Variants in XIRP1 observed in about 807,000 individuals in gnomAD.
XIRP1 encodes the protein xin actin binding repeat containing 1, also known as xin actin-binding repeat-containing protein 1.
For synonymous variants in XIRP1, 984 were observed against 947.0 expected (o/e 1.04, Z -0.72); for missense variants, 2,378 against 2,345.4 (o/e 1.01, Z -0.29).
At position 39,188,168 on chromosome 3, in the gene XIRP1, C is replaced by T. The variant is rs113582054; in HGVS notation, c.1278G>A (p.Gln426=). 1.3e-4 allele frequency: 217 copies of T among 1,614,182 alleles called. 4 individuals are homozygous for T. The African/African-American group carries it at 2.2e-3, about 17-fold the overall frequency. The change falls in exon 2 of 2, where the codon CAG becomes CAA. Residue 426 remains glutamine, a synonymous_variant. Coordinates refer to ENST00000340369, the MANE Select transcript of XIRP1 (RefSeq NM_194293.4). ...TTAGCTCATCCCTCTGGGGGGCACT[C>T]TGAGAGAAGGGCAGTGCTGAGGAGC... is the stretch of plus-strand genomic sequence containing the variant. The part of the protein sequence containing the change: ...SDSSSALPFS[Q]SAPQRDELKG...
In XIRP1 at chr3:39,184,623, G is replaced by A. The variant is rs34810344; in HGVS notation, c.4823C>T (p.Ala1608Val). Residue 1608 changes from alanine to valine, a missense_variant, in exon 2 of 2, where the codon GCA becomes GTA. Transcript: ENST00000340369. ...GSGQEVGGQT[A>V]VKNQAKVECH... ...TTCAACCTTGGCTTGGTTCTTGACT[G>A]CAGTTTGACCTCCGACCTCCTGGCC... The A allele has an allele frequency of 0.17, 275,721 of 1,613,796 alleles. 25,376 individuals carry two copies. The highest frequency in any genetic ancestry group is 0.19 in the Non-Finnish European group (221,403 of 1,179,912).
chr3:39,192,085 C>T (rs148570015), intron 1 of XIRP1, among the ~76,000 whole-genome samples: 1 of 152,360 alleles, frequency 6.6e-6, no homozygotes, highest in African/African-American at 2.4e-5. Flanking sequence ...TCCTCCAGAT[C>T]CTGGGCCTGC....
Position 39,183,955 on chromosome 3 carries a change from C to T in XIRP1, c.5491G>A (p.Val1831Met), listed in dbSNP as rs2039910127. ...FSSDLTEAET[V>M]QVSCSYSQPA... is the part of the protein sequence containing the mutation. ...TGGGAGTAGCTGCAGGACACCTGCA[C>T]CGTCTCAGCTTCTGTCAGGTCACTG... The change falls in exon 2 of 2, where the codon GTG becomes ATG. Residue 1831 changes from valine to methionine, a missense_variant. Coordinates refer to ENST00000340369, the MANE Select transcript of XIRP1 (RefSeq NM_194293.4). 2 of 1,611,696 alleles carry T rather than the reference C, an allele frequency of 1.2e-6. No homozygotes were observed. The highest frequency in any genetic ancestry group is 2.2e-4 in the Middle Eastern group (1 of 4,562).
chr3:39,185,081 T>C lies in XIRP1; in HGVS notation c.4365A>G (p.Gln1455=). The change falls in exon 2 of 2, where the codon CAA becomes CAG. Residue 1455 remains glutamine (Q), a synonymous_variant. Coordinates refer to ENST00000340369, the MANE Select transcript of XIRP1 (RefSeq NM_194293.4). Reference sequence around the variant, plus strand: ...GACTGTCAGGGCTCTCAGGGGCCCCTTGGTGGGAACCTTCCATGGGCTGCT... The same window carrying C: ...GACTGTCAGGGCTCTCAGGGGCCCCCTGGTGGGAACCTTCCATGGGCTGCT... ...SGEQPMEGSH[Q]GAPESPDSLQ... The C allele has an allele frequency of 5.9e-6, 9 of 1,525,428 alleles. No individual in the cohort carries two copies. Among genetic ancestry groups the C allele is most frequent in the Non-Finnish European group, 7.9e-6 (9 of 1,140,076 alleles). The allele number at this position is 1,525,428 out of a possible 1,614,324, so 94.5% of individuals were successfully genotyped here. A position where few individuals can be genotyped will look rare whatever the true frequency, so the allele number is the denominator to read the frequency against.
rs768346401 is a variant in XIRP1 at position 39,185,826 on chromosome 3, G to A, written c.3620C>T (p.Pro1207Leu). 1.2e-6 allele frequency: 2 copies of A among 1,613,620 alleles called. No homozygotes were observed. The highest frequency in any genetic ancestry group is 3.3e-5 in the Admixed American group (2 of 59,944). The change falls in exon 2 of 2, where the codon CCA (proline) becomes CTA (leucine). Residue 1207 changes from proline (P) to leucine (L), a missense_variant. By Grantham distance (98) the Pro-to-Leu change is moderately conservative (BLOSUM62 -3). Coordinates refer to ENST00000340369, the MANE Select transcript of XIRP1 (RefSeq NM_194293.4). ...GGCTQMAWGP[P>L]GKAMAEVCPG... ...GCAGACTTCTGCCATCGCCTTCCCT[G>A]GTGGCCCCCAGGCCATCTGTGTGCA...
chr3:39,186,784 T>A lies in XIRP1; in HGVS notation c.2662A>T (p.Thr888Ser), dbSNP rs1475824108. 1 of 1,613,650 alleles carries A rather than the reference T, an allele frequency of 6.2e-7. No homozygotes were observed. Among genetic ancestry groups the A allele is most frequent in the Non-Finnish European group, 8.5e-7 (1 of 1,179,956 alleles). ...ACCAGCCCAGTCCTTGCCACGGAGG[T>A]CCCAAGACCGCAAGCCAGCAGCTGC... is the stretch of plus-strand genomic sequence containing the variant. ...LQQLLACGLGTSVARTGLVMQ... is the reference protein window; with the variant it reads ...LQQLLACGLGSSVARTGLVMQ... The change falls in exon 2 of 2, where the codon ACC becomes TCC. Residue 888 changes from threonine (T) to serine (S), a missense_variant. Transcript: ENST00000340369.
At position 39,187,394 on chromosome 3, in the gene XIRP1, G is replaced by T. The variant is rs750516203; in HGVS notation, c.2052C>A (p.Ser684Arg). ...CCTGCCCTGAAGGGATCTCCACGCG[G>T]CTGCAGTATCTCACAGGCCGTCTTC... ...PCGRRPVRYC[S>R]RVEIPSGQVS... Residue 684 changes from serine to arginine, a missense_variant, in exon 2 of 2, where the codon AGC becomes AGA. By Grantham distance (110) the Ser-to-Arg change is moderately radical. Transcript: ENST00000340369. 12 of 1,614,072 alleles carry T rather than the reference G, an allele frequency of 7.4e-6. No individual in the cohort carries two copies. Among genetic ancestry groups the T allele is most frequent in the South Asian group, 5.5e-5 (5 of 91,088 alleles).
At position 39,186,671 on chromosome 3, in the gene XIRP1, G is replaced by T. The variant is rs149549006; in HGVS notation, c.2775C>A (p.Ser925Arg). The change falls in exon 2 of 2, where the codon AGC becomes AGA. Residue 925 changes from serine to arginine, a missense_variant. Coordinates refer to ENST00000340369, the MANE Select transcript of XIRP1 (RefSeq NM_194293.4). The part of the protein sequence containing the change: ...RLTSKASERS[S>R]VQLLASCIDK... The stretch of plus-strand genomic sequence containing the variant: ...CTATGCAGCTGGCCAACAGCTGCAC[G>T]CTGCTCCTCTCAGAGGCCTTGCTAG... 3 of 1,613,694 alleles carry T rather than the reference G, an allele frequency of 1.9e-6. No individual in the cohort carries two copies.
In XIRP1 at chr3:39,183,605, C is replaced by T. The variant is rs557666371; in HGVS notation, c.*309G>A. The T allele has an allele frequency of 1.6e-3, 542 of 337,786 alleles. 2 individuals carry two copies. Among genetic ancestry groups the T allele is most frequent in the Non-Finnish European group, 2.1e-3 (392 of 186,112 alleles). The allele number at this position is 337,786 out of a possible 1,614,324, so 20.9% of individuals were successfully genotyped here. A position where few individuals can be genotyped will look rare whatever the true frequency, so the allele number is the denominator to read the frequency against. On this transcript the variant is annotated 3_prime_UTR_variant, in exon 2 of 2. Coordinates refer to ENST00000340369, the MANE Select transcript of XIRP1 (RefSeq NM_194293.4). ...GTGTGCAAATTCACACATGTCGATGCGTGGGCCAGGCCTGTGTGAAAAACA... is the reference window on the plus strand; with the variant it reads ...GTGTGCAAATTCACACATGTCGATGTGTGGGCCAGGCCTGTGTGAAAAACA...
Position 39,185,540 on chromosome 3 carries a change from T to A in XIRP1, c.3906A>T (p.Arg1302Ser), listed in dbSNP as rs755994790. ...TCTTTGTCTGTGACCCTCCAGGGGT[T>A]CTCTGGCCAGCAGGGCTGCTGTGGG... is the stretch of plus-strand genomic sequence containing the variant. Reference protein sequence around the residue: ...LHSHSSPAGQRTPGGSQTKTP... With the variant: ...LHSHSSPAGQSTPGGSQTKTP... The change falls in exon 2 of 2, where the codon AGA becomes AGT. Residue 1302 changes from arginine to serine, a missense_variant. By Grantham distance (110) the Arg-to-Ser change is moderately radical. Transcript: ENST00000340369. 1 of 1,562,160 alleles carries A rather than the reference T, an allele frequency of 6.4e-7. No homozygotes were observed. Among genetic ancestry groups the A allele is most frequent in the Non-Finnish European group, 8.7e-7 (1 of 1,154,842 alleles).
Position 39,186,286 on chromosome 3 carries a change from C to T in XIRP1, c.3160G>A (p.Ala1054Thr), listed in dbSNP as rs138214859. Reference sequence around the variant, plus strand: ...GTTGCCATCCGCAGACTCTGCATGGCGGCCAGGAGGTCTGGGGCCCCAGGC... The same window carrying T: ...GTTGCCATCCGCAGACTCTGCATGGTGGCCAGGAGGTCTGGGGCCCCAGGC... ...PGPGAPDLLA[A>T]MQSLRMATAE... is the part of the protein sequence containing the mutation. The change falls in exon 2 of 2, where the codon GCC becomes ACC. Residue 1054 changes from alanine (A) to threonine (T), a missense_variant. Physicochemically the swap from Ala to Thr is moderately conservative, Grantham distance 58. Transcript: ENST00000340369. 422 of 1,613,930 alleles carry T rather than the reference C, an allele frequency of 2.6e-4. 1 individual carries two copies. In the African/African-American group the frequency reaches 4.7e-3, roughly 18 times the overall value.
Position 39,187,298 on chromosome 3 carries a change from G to C in XIRP1, c.2148C>G (p.Ile716Met), listed in dbSNP as rs752561906. 6.3e-7 allele frequency: 1 copy of C among 1,588,956 alleles called. No individual in the cohort carries two copies. The highest frequency in any genetic ancestry group is 8.6e-7 in the Non-Finnish European group (1 of 1,166,762). Residue 716 changes from isoleucine to methionine, a missense_variant, in exon 2 of 2, where the codon ATC becomes ATG. Ile to Met is a conservative substitution (Grantham distance 10). Coordinates refer to ENST00000340369, the MANE Select transcript of XIRP1 (RefSeq NM_194293.4). Reference sequence around the variant, plus strand: ...CAGAACCCGCGGGGATGGACCCAGCGATTACCCGGGGCTCCTGTTCTTCCT... The same window carrying C: ...CAGAACCCGCGGGGATGGACCCAGCCATTACCCGGGGCTCCTGTTCTTCCT... ...GKKEEQEPRV[I>M]AGSIPAGSVH...
chr3:39,190,681 C>T (rs756977876), intron 1 of XIRP1, among the ~76,000 whole-genome samples: 4 of 152,062 alleles, frequency 2.6e-5, no homozygotes, highest in Non-Finnish European at 5.9e-5. Flanking sequence ...CCCTCAAGCC[C>T]TTCTCTGGTC....
rs1172702776 is a variant in XIRP1, at chr3:39,189,081, T to G, written c.365A>C (p.Asp122Ala). ...PAAKEPVLCG[D>A]VQATSRKFEE... ...AAACTTGCGGGAGGTGGCCTGGACG[T>G]CACCACACAGCACGGGCTCCTTGGC... Residue 122 changes from aspartate to alanine, a missense_variant, in exon 2 of 2, where the codon GAC (aspartate) becomes GCC (alanine). Coordinates refer to ENST00000340369, the MANE Select transcript of XIRP1 (RefSeq NM_194293.4). The G allele has an allele frequency of 6.2e-7, 1 of 1,614,138 alleles. No homozygotes were observed. Among genetic ancestry groups the G allele is most frequent in the South Asian group, 1.1e-5 (1 of 91,084 alleles).
In XIRP1 at chr3:39,186,591, G is replaced by A. The variant is rs200073149; in HGVS notation, c.2855C>T (p.Pro952Leu). 44 of 1,610,002 alleles carry A rather than the reference G, an allele frequency of 2.7e-5. No homozygotes were observed. Among genetic ancestry groups the A allele is most frequent in the Admixed American group, 1.5e-4 (9 of 59,850 alleles). ...CCCCTCGCTGGCTGGCACTGGACTC[G>A]GGTCAGCCGGGGGCTCCCACCGCAG... is the stretch of plus-strand genomic sequence containing the variant. ...HSLRWEPPAD[P>L]SPVPASEGAQ... The change falls in exon 2 of 2, where the codon CCG (proline) becomes CTG (leucine). Residue 952 changes from proline (P) to leucine (L), a missense_variant. By Grantham distance (98) the Pro-to-Leu change is moderately conservative (BLOSUM62 -3). Coordinates refer to ENST00000340369, the MANE Select transcript of XIRP1 (RefSeq NM_194293.4).
At chr3:39,190,960 T>C (rs1422493228) in intron 1 of XIRP1, among the ~76,000 whole-genome samples, 1 of 152,174 alleles carries the variant, frequency 6.6e-6, no homozygotes, top group African/African-American at 2.4e-5. Context: ...TCCTGCCTCC[T>C]GGGCTGGTGT....
chr3:39,187,345 G>A lies in XIRP1; in HGVS notation c.2101C>T (p.Gln701Ter). Reference protein sequence around the residue: ...GQVSRQKEVFQALEAGKKEEQ... With the variant: ...GQVSRQKEVF ...TCCTTCTTGCCTGCCTCCAGGGCCT[G>A]AAAAACCTCTTTCTGACGAGACACC... Residue 701 changes from glutamine (Q) to a stop codon, truncating the protein, a stop_gained, in exon 2 of 2, where the codon CAG (glutamine) becomes TAG (stop). Coordinates refer to ENST00000340369, the MANE Select transcript of XIRP1 (RefSeq NM_194293.4). LOFTEE classifies it low-confidence loss of function (END_TRUNC). The A allele has an allele frequency of 6.2e-7, 1 of 1,606,224 alleles. No individual in the cohort carries two copies. Among genetic ancestry groups the A allele is most frequent in the Non-Finnish European group, 8.5e-7 (1 of 1,175,268 alleles).
chr3:39,188,302 G>T lies in XIRP1; in HGVS notation c.1144C>A (p.Leu382Met). Residue 382 changes from leucine (L) to methionine (M), a missense_variant, in exon 2 of 2, where the codon CTG becomes ATG. Transcript: ENST00000340369. The part of the protein sequence containing the change: ...EVVPGDVRST[L>M]WLFETKPLDA... ...AGGGGCTTTGTTTCAAATAGCCACA[G>T]GGTGGAGCGGACATCACCAGGGACC... The T allele has an allele frequency of 6.2e-7, 1 of 1,614,200 alleles. No homozygotes were observed.
Position 39,188,194 on chromosome 3 carries a change from T to C in XIRP1, c.1252A>G (p.Ser418Gly). The C allele has an allele frequency of 6.2e-7, 1 of 1,614,204 alleles. No homozygotes were observed. Among genetic ancestry groups the C allele is most frequent in the Non-Finnish European group, 8.5e-7 (1 of 1,180,044 alleles). The change falls in exon 2 of 2, where the codon AGC becomes GGC. Residue 418 changes from serine to glycine, a missense_variant. Ser to Gly is a moderately conservative substitution (Grantham distance 56). Coordinates refer to ENST00000340369, the MANE Select transcript of XIRP1 (RefSeq NM_194293.4). ...TGAGAGAAGGGCAGTGCTGAGGAGC[T>C]GTCACTGGATAGATGCCCCTCACCG... ...QDGEGHLSSD[S>G]SSALPFSQSA...
Sources: allele counts gnomAD v4.1 joint callset (sites outside exome capture counted in the v4.1 genomes callset), GRCh38; gene constraint gnomAD v4.1.1; transcripts MANE v1.5; gene names NCBI Gene and HGNC (gene_info 2026-07-23, HGNC 2026-07-21).